PRTG: variants seen among roughly 807,000 people sequenced by gnomAD.
PRTG encodes immunoglobulin superfamily, DCC subclass, member 5.
PRTG carries 67 observed loss-of-function variants against 122.5 expected under a neutral mutation model. The observed-to-expected ratio is 0.55, with a 90% CI of 0.45 to 0.67. The LOEUF (loss-of-function observed/expected upper bound fraction) is 0.67, where lower values mean the gene tolerates loss of function less well. PRTG is among the 30% of genes least tolerant of loss of function. PRTG has a pLI of 0.00. For missense variants in PRTG, 1,435 were observed against 1,415.4 expected, an observed-to-expected ratio of 1.01 and a Z score of -0.22; for synonymous variants, 554 against 501.1, an observed-to-expected ratio of 1.11 and a Z score of -1.41.
intron 2 of PRTG, among the ~76,000 whole-genome samples, chr15:55,703,710 C>G (rs1213180590): frequency 6.6e-6 from 1 of 152,228 alleles, no homozygotes; most frequent in Non-Finnish European, 1.5e-5. Flanking sequence ...AGATAAATCA[C>G]TATTCACTTT....
chr15:55,713,351 A>G (rs2030468089), intron 2 of PRTG, among the ~76,000 whole-genome samples: 1 of 152,218 alleles, frequency 6.6e-6, no homozygotes, highest in Non-Finnish European at 1.5e-5. Context: ...ACGATTTATT[A>G]GCCATTTTCT....
At chr15:55,670,139 C>CGT (rs1226130783) in intron 11 of PRTG, among the ~76,000 whole-genome samples, 6 of 151,816 alleles carry the variant, frequency 4.0e-5, no homozygotes, top group African/African-American at 7.3e-5. Context: ...TACATACATG[C>CGT]GTGTGTGTGT....
chr15:55,639,232 C>G (rs751485024), intron 13 of PRTG, among the ~76,000 whole-genome samples: 4 of 152,142 alleles, frequency 2.6e-5, no homozygotes, highest in East Asian at 3.9e-4. Context: ...CCTCAGCCCC[C>G]CCAAAATCAT....
chr15:55,687,006 C>T (rs115580240), intron 2 of PRTG, among the ~76,000 whole-genome samples: 2,395 of 152,250 alleles, frequency 0.016, 77 homozygotes, highest in African/African-American at 0.055. Flanking sequence ...AGTCTTCCTC[C>T]GCTTCTACAT....
chr15:55,693,242 A>AGATC (rs781684824), intron 2 of PRTG, among the ~76,000 whole-genome samples: 1 of 152,130 alleles, frequency 6.6e-6, no homozygotes, highest in Non-Finnish European at 1.5e-5. Flanking sequence ...AGATCACCTG[A>AGATC]GATCGGGTGG....
chr15:55,628,926 AC>A lies in PRTG; in HGVS notation c.2701del (p.Val901TrpfsTer29). The A allele has an allele frequency of 6.2e-7, 1 of 1,613,996 alleles. No homozygotes were observed. Among genetic ancestry groups the A allele is most frequent in the Non-Finnish European group, 8.5e-7 (1 of 1,179,942 alleles). On this transcript the variant is annotated frameshift_variant, in exon 16 of 20. Coordinates refer to ENST00000389286, the MANE Select transcript of PRTG (RefSeq NM_173814.6). LOFTEE classifies it high-confidence loss of function. Reference sequence around the variant, plus strand: ...AGAATTTGAAAAGGGTCCTTCTCCCACCTCATTGGATGCAGATATCTTGACA... The same window carrying A: ...AGAATTTGAAAAGGGTCCTTCTCCCACTCATTGGATGCAGATATCTTGACA... ...YIVKISASNE[V>X]GEGPFSNSVE...
chr15:55,724,387 G>T (rs1191264335), intron 2 of PRTG, among the ~76,000 whole-genome samples: 2 of 152,006 alleles, frequency 1.3e-5, no homozygotes, highest in African/African-American at 4.8e-5. Flanking sequence ...TATATATTAC[G>T]TTTTTTGATT....
chr15:55,630,502 C>T (rs1331131998), intron 15 of PRTG, among the ~76,000 whole-genome samples: 1 of 152,168 alleles, frequency 6.6e-6, no homozygotes, highest in Non-Finnish European at 1.5e-5. Flanking sequence ...GTACTGAAGA[C>T]AGGTCTCAGA....
rs776443135 is a variant in PRTG at position 55,639,710 on chromosome 15, G to A, written c.2256C>T (p.Ile752=). 1.2e-6 allele frequency: 2 copies of A among 1,614,062 alleles called. No homozygotes were observed. The highest frequency in any genetic ancestry group is 1.7e-6 in the Non-Finnish European group (2 of 1,180,038). Residue 752 remains isoleucine, a synonymous_variant, in exon 13 of 20, where the codon ATC becomes ATT. Coordinates refer to ENST00000389286, the MANE Select transcript of PRTG (RefSeq NM_173814.6). ...GATTACAGCGGATGGTGTAGTTAAT[G>A]ATTTGTGCAGCGGTGAATGCAGGCC... ...WRRPAFTAAQ[I]INYTIRCNPV... is the part of the protein sequence containing the mutation.
intron 19 of PRTG, 104 bp from the exon 20 acceptor site, chr15:55,620,370 C>CGCTTG (rs1427407184): frequency 7.2e-6 from 11 of 1,521,468 alleles, no homozygotes; most frequent in Non-Finnish European, 9.6e-6. Context: ...ATCAGAATTA[C>CGCTTG]CCGTGGCAAG....
In PRTG at chr15:55,743,021, G is replaced by A. The variant is rs1275724045; in HGVS notation, c.-90C>T. 8.9e-6 allele frequency: 12 copies of A among 1,342,554 alleles called. No individual in the cohort carries two copies. Among genetic ancestry groups the A allele is most frequent in the East Asian group, 3.1e-5 (1 of 31,798 alleles). 83.2% of individuals were successfully genotyped at this position (1,342,554 alleles called of 1,614,324 possible). ...CCCGGGCGCTCTCTGCTCTGCGGCT[G>A]GTCGCACGCAGCCTGGCTCCCCGCT... is the stretch of plus-strand genomic sequence containing the variant. On this transcript the variant is annotated 5_prime_UTR_variant, in exon 1 of 20. Transcript: ENST00000389286.
intron 2 of PRTG, among the ~76,000 whole-genome samples, chr15:55,706,841 C>A (rs765587438): frequency 6.6e-6 from 1 of 152,108 alleles, no homozygotes; most frequent in Non-Finnish European, 1.5e-5. Flanking sequence ...AAAGATGCAA[C>A]TGCAGGGCAG....
At position 55,616,026 on chromosome 15, in the gene PRTG, G is replaced by A. The variant is rs894076425; in HGVS notation, c.*3986C>T. ...ATTGTTCCCAATGTTGGCATTGCTC[G>A]TTTCAAGCACAGACAAAAGTATAGC... On this transcript the variant is annotated 3_prime_UTR_variant, in exon 20 of 20. Transcript: ENST00000389286. The A allele has an allele frequency of 2.6e-5, 4 of 151,970 alleles. No individual in the cohort carries two copies. The highest frequency in any genetic ancestry group is 2.6e-4 in the Admixed American group (4 of 15,248). 9.4% of individuals were successfully genotyped at this position (151,970 alleles called of 1,614,324 possible).
chr15:55,660,664 C>T (rs2059404912), intron 11 of PRTG, among the ~76,000 whole-genome samples: 1 of 152,142 alleles, frequency 6.6e-6, no homozygotes, highest in Non-Finnish European at 1.5e-5. Flanking sequence ...ACCAGACAAT[C>T]AACAGCCTGT....
chr15:55,681,211 T>C (rs1251941934), intron 4 of PRTG: 2 of 152,102 alleles, frequency 1.3e-5, no homozygotes, highest in African/African-American at 4.8e-5. Context: ...CATTCATTTA[T>C]TTATATAATT....
At chr15:55,648,321 T>A (rs138781473) in intron 11 of PRTG, among the ~76,000 whole-genome samples, 2 of 152,196 alleles carry the variant, frequency 1.3e-5, no homozygotes, top group Non-Finnish European at 2.9e-5. Context: ...CAAAGGCCTA[T>A]AAAATGAGAC....
intron 16 of PRTG, among the ~76,000 whole-genome samples, 157 bp downstream of exon 16, chr15:55,628,665 A>G (rs866440052): frequency 1.1e-4 from 17 of 152,218 alleles, no homozygotes; most frequent in South Asian, 2.1e-4. Flanking sequence ...TATGAGGAAA[A>G]GCCATGCAAC....
chr15:55,687,441 AG>A (rs1341002694), intron 2 of PRTG, among the ~76,000 whole-genome samples: 4 of 152,226 alleles, frequency 2.6e-5, no homozygotes, highest in African/African-American at 9.6e-5. Context: ...CCAGCCACAT[AG>A]GCAACTGAGT....
chr15:55,669,244 C>T (rs1457208940), intron 11 of PRTG, among the ~76,000 whole-genome samples: 1 of 152,016 alleles, frequency 6.6e-6, no homozygotes, highest in Non-Finnish European at 1.5e-5. Flanking sequence ...TAGTTTGTTA[C>T]TCAAATTGAC....
Sources: gnomAD v4.1 joint callset for allele counts (sites outside exome capture counted in the v4.1 genomes callset) on GRCh38, gnomAD v4.1.1 for gene constraint, MANE v1.5 for transcripts, NCBI Gene and HGNC (gene_info 2026-07-23, HGNC 2026-07-21) for gene names.